The following DSCAM variants were observed in gnomAD, a reference collection of about 807,000 sequenced individuals.
DSCAM encodes cell adhesion molecule DSCAM.
In DSCAM, 47 loss-of-function variants were observed where a neutral mutation model predicts 217.7. That is an observed-to-expected ratio of 0.22 (90% CI 0.17 to 0.28). DSCAM has a LOEUF of 0.28. DSCAM is among the 10% of genes least tolerant of loss of function. The pLI, the probability that DSCAM is intolerant of heterozygous loss-of-function variation, is 1.00. For synonymous variants in DSCAM, 1,056 were observed against 1,015.3 expected (o/e 1.04, Z -0.76); for missense variants, 2,080 against 2,618.3 (o/e 0.79, Z 4.49).
At chr21:40,142,181 C>G (rs556343422) in intron 18 of DSCAM, among the ~76,000 whole-genome samples, 1 of 152,116 alleles carries the variant, frequency 6.6e-6, no homozygotes, top group Non-Finnish European at 1.5e-5. Flanking sequence ...CGTTTCCCCG[C>G]GGAGTTCTAT....
intron 3 of DSCAM, among the ~76,000 whole-genome samples, chr21:40,663,959 A>C (rs1002995454): frequency 6.6e-6 from 1 of 152,234 alleles, no homozygotes; most frequent in African/African-American, 2.4e-5. Context: ...TATAGATGCA[A>C]AATAAATAAA....
intron 14 of DSCAM, among the ~76,000 whole-genome samples, chr21:40,184,245 CA>C (rs1246237329): frequency 6.6e-6 from 1 of 152,034 alleles, no homozygotes; most frequent in Non-Finnish European, 1.5e-5. Context: ...TTTTATACAC[CA>C]AAAATTTCTG....
chr21:40,495,099 ACT>A lies in DSCAM; in HGVS notation c.509-125856_509-125855del, dbSNP rs2076107329. ...ACAAGATTGAGTCAATAGTAAAAAGACTCTAATCAAGGAAAAATCCAGGACCT... is the reference window on the plus strand; with the variant it reads ...ACAAGATTGAGTCAATAGTAAAAAGACTAATCAAGGAAAAATCCAGGACCT... On this transcript the variant is annotated intron_variant, in intron 3 of 32. Coordinates refer to ENST00000400454, the MANE Select transcript of DSCAM (RefSeq NM_001389.5). Among the ~76,000 whole-genome samples, 3 of 152,276 alleles carry A rather than the reference ACT, an allele frequency of 2.0e-5. No individual in the cohort carries two copies. The South Asian group carries it at 6.2e-4, about 32-fold the overall frequency.
chr21:40,026,781 G>A (rs1252575922), intron 32 of DSCAM, among the ~76,000 whole-genome samples: 305 of 136,948 alleles, frequency 2.2e-3, no homozygotes, highest in Non-Finnish European at 3.0e-3. Flanking sequence ...CACGTGAGAT[G>A]GGTCTCCTGA....
At chr21:40,431,449 A>G (rs1191334772) in intron 3 of DSCAM, among the ~76,000 whole-genome samples, 1 of 149,486 alleles carries the variant, frequency 6.7e-6, no homozygotes, top group Non-Finnish European at 1.5e-5. Context: ...GATGAGGACA[A>G]AGACCTTTAT....
chr21:40,717,416 TGGTGG>T (rs1176714613), intron 1 of DSCAM, among the ~76,000 whole-genome samples: 6 of 152,214 alleles, frequency 3.9e-5, no homozygotes, highest in African/African-American at 1.4e-4. Flanking sequence ...TAATGGCCAA[TGGTGG>T]AAACAGCCTA....
intron 3 of DSCAM, among the ~76,000 whole-genome samples, chr21:40,609,247 G>A (rs1338325182): frequency 2.0e-5 from 3 of 152,146 alleles, no homozygotes; most frequent in East Asian, 1.9e-4. Flanking sequence ...GAGCCACCGC[G>A]CCCAGCCTGC....
chr21:40,173,067 C>T (rs1418995047), intron 15 of DSCAM, among the ~76,000 whole-genome samples: 2 of 152,152 alleles, frequency 1.3e-5, no homozygotes, highest in African/African-American at 4.8e-5. Flanking sequence ...ATCCTATGTG[C>T]TAAACACCAA....
chr21:40,216,282 A>AC (rs1569004953), intron 11 of DSCAM, among the ~76,000 whole-genome samples: 41 of 149,760 alleles, frequency 2.7e-4, no homozygotes, highest in African/African-American at 9.6e-4. Flanking sequence ...TTAAAAAAAA[A>AC]ATTTTTTTTT....
chr21:40,217,020 C>A (rs540703413), intron 11 of DSCAM, among the ~76,000 whole-genome samples: 199 of 152,312 alleles, frequency 1.3e-3, no homozygotes, highest in African/African-American at 4.5e-3. Context: ...GACCAGTGGA[C>A]AGATTTCTCT....
intron 14 of DSCAM, among the ~76,000 whole-genome samples, chr21:40,183,670 G>A (rs2090863278): frequency 6.6e-6 from 1 of 152,206 alleles, no homozygotes; most frequent in Non-Finnish European, 1.5e-5. Context: ...GTAAGAACTT[G>A]TAGCAGTCAC....
At chr21:40,221,026 G>C (rs1430945945) in intron 11 of DSCAM, among the ~76,000 whole-genome samples, 1 of 152,212 alleles carries the variant, frequency 6.6e-6, no homozygotes, top group Non-Finnish European at 1.5e-5. Flanking sequence ...CTGAGGCTCA[G>C]AGGTGCTCAG....
At chr21:40,364,406 T>C (rs1391007891) in intron 4 of DSCAM, among the ~76,000 whole-genome samples, 1 of 151,876 alleles carries the variant, frequency 6.6e-6, no homozygotes, top group South Asian at 2.1e-4. Context: ...GAAACCATCA[T>C]TCTCAGCAAA....
intron 10 of DSCAM, among the ~76,000 whole-genome samples, chr21:40,287,178 GGTCTTCTGCAGTGTGATCTGCAGT>G (rs1208316148): frequency 7.1e-6 from 1 of 141,614 alleles, no homozygotes; most frequent in African/African-American, 3.1e-5. Context: ...TGATCTGCAG[GGTCTTCTGCAGTGTGATCTGCAGT>G]ATGATGTGCA....
At position 40,294,590 on chromosome 21, in the gene DSCAM, G is replaced by C. The variant is rs558427203; in HGVS notation, c.2182+1465C>G. Among the ~76,000 whole-genome samples, 96 of 152,266 alleles carry C rather than the reference G, an allele frequency of 6.3e-4. No individual in the cohort carries two copies. The South Asian group carries it at 8.7e-3, about 14-fold the overall frequency. ...AACATACAGGAGTGTTCATTTGCTG[G>C]AGTGTTTATGAGAGTGAAAACTGTA... On this transcript the variant is annotated intron_variant, in intron 10 of 32. Transcript: ENST00000400454.
chr21:40,138,533 A>T (rs1459873843), intron 18 of DSCAM, among the ~76,000 whole-genome samples: 1 of 120,824 alleles, frequency 8.3e-6, no homozygotes, highest in African/African-American at 3.3e-5. Flanking sequence ...TGTGTGGTGT[A>T]TGTGGGGTTT....
chr21:40,246,794 G>A (rs2073232306), intron 11 of DSCAM, among the ~76,000 whole-genome samples: 1 of 152,130 alleles, frequency 6.6e-6, no homozygotes. Flanking sequence ...TGTGGAGACT[G>A]AGAGAGTCCC....
At chr21:40,645,654 C>A (rs1286536026) in intron 3 of DSCAM, among the ~76,000 whole-genome samples, 1 of 152,112 alleles carries the variant, frequency 6.6e-6, no homozygotes, top group East Asian at 1.9e-4. Context: ...GTTAGAAATG[C>A]ACAATCCAAT....
Position 40,112,180 on chromosome 21 carries a change from A to G in DSCAM, c.3696+12015T>C, listed in dbSNP as rs569954092. 1.4e-4 allele frequency among the ~76,000 whole-genome samples: 20 copies of G among 147,848 alleles called. 2 individuals carry two copies. The East Asian group carries it at 3.6e-3, about 26-fold the overall frequency. ...CATACTTGGAAGTAAAGCTCTCCTC[A>G]GCAAATGTAAAAGAACAGAAATTAT... On this transcript the variant is annotated intron_variant, in intron 20 of 32. Coordinates refer to ENST00000400454, the MANE Select transcript of DSCAM (RefSeq NM_001389.5).
Sources: allele counts gnomAD v4.1 joint callset (sites outside exome capture counted in the v4.1 genomes callset), GRCh38; gene constraint gnomAD v4.1.1; transcripts MANE v1.5; gene names NCBI Gene and HGNC (gene_info 2026-07-23, HGNC 2026-07-21).